The following FANK1 variants were observed in gnomAD, a reference collection of about 807,000 sequenced individuals.
The protein encoded by FANK1 is fibronectin type III and ankyrin repeat domains 1.
FANK1 carries 44 observed loss-of-function variants against 45.3 expected under a neutral mutation model. The observed-to-expected ratio is 0.97, with a 90% CI of 0.76 to 1.25. The LOEUF (loss-of-function observed/expected upper bound fraction) is 1.25, where lower values mean the gene tolerates loss of function less well. FANK1 is among the 50% of genes most tolerant of loss of function. The probability of loss-of-function intolerance (pLI) is 0.00; values close to 1 mark genes in which losing one functional copy is unlikely to be tolerated. For missense variants in FANK1, 391 were observed against 424.4 expected (o/e 0.92, Z 0.69); for synonymous variants, 149 against 152.5 (o/e 0.98, Z 0.17).
At chr10:125,902,792 T>A (rs1439724808) in intron 1 of FANK1, among the ~76,000 whole-genome samples, 1 of 152,304 alleles carries the variant, frequency 6.6e-6, no homozygotes, top group Admixed American at 6.5e-5. Context: ...GGGAGACTGG[T>A]AAGGATTTAA....
chr10:125,993,623 C>A (rs1189504418), intron 3 of FANK1, among the ~76,000 whole-genome samples: 1 of 152,192 alleles, frequency 6.6e-6, no homozygotes, highest in Admixed American at 6.5e-5. Context: ...GTATAAAACC[C>A]TGCCTCCTTT....
At chr10:125,934,724 GTTTTTTTTTTTTTTTTTTTTTTTTT>G (rs145182884) in intron 1 of FANK1, among the ~76,000 whole-genome samples, 2 of 26,418 alleles carry the variant, frequency 7.6e-5, no homozygotes, top group African/African-American at 1.3e-4. Flanking sequence ...TACCCCTACC[GTTTTTTTTTTTTTTTTTTTTTTTTT>G]TTTTTTTTTT....
At chr10:125,951,484 G>C (rs1353858373) in intron 1 of FANK1, among the ~76,000 whole-genome samples, 1 of 152,198 alleles carries the variant, frequency 6.6e-6, no homozygotes. Context: ...AAGGTACTTA[G>C]GGACGGAAGT....
At chr10:125,908,174 T>C (rs762220561) in intron 1 of FANK1, among the ~76,000 whole-genome samples, 1 of 152,076 alleles carries the variant, frequency 6.6e-6, no homozygotes, top group Non-Finnish European at 1.5e-5. Flanking sequence ...TTTTGTATTT[T>C]TAGTAGAGAT....
chr10:125,920,640 C>G (rs533295088), intron 1 of FANK1, among the ~76,000 whole-genome samples: 1 of 152,272 alleles, frequency 6.6e-6, no homozygotes, highest in Admixed American at 6.5e-5. Context: ...AGAGTTTGGG[C>G]TCAGCCGCTG....
At chr10:125,910,882 A>C (rs965970743) in intron 1 of FANK1, among the ~76,000 whole-genome samples, 3 of 152,170 alleles carry the variant, frequency 2.0e-5, no homozygotes, top group Admixed American at 6.5e-5. Context: ...AAAACACAAA[A>C]AATTAGCCGG....
At chr10:125,970,081 C>G (rs1950402506) in intron 1 of FANK1, among the ~76,000 whole-genome samples, 1 of 152,236 alleles carries the variant, frequency 6.6e-6, no homozygotes, top group Non-Finnish European at 1.5e-5. Flanking sequence ...ACATTTCCCC[C>G]TTTTCTATTC....
intron 2 of FANK1, among the ~76,000 whole-genome samples, chr10:125,986,740 C>CTCAT (rs1486051619): frequency 6.6e-6 from 1 of 152,214 alleles, no homozygotes; most frequent in Non-Finnish European, 1.5e-5. Context: ...GTCCTGGCAC[C>CTCAT]TCATTCCCTC....
chr10:125,920,171 AT>A, intron 1 of FANK1, among the ~76,000 whole-genome samples: 1 of 152,304 alleles, frequency 6.6e-6, no homozygotes, highest in Non-Finnish European at 1.5e-5. Flanking sequence ...ATGAAATGTA[AT>A]TTCAGGCTAT....
rs187891476 is a variant in FANK1, at chr10:125,897,892, C to T, written c.13+1237C>T. ...AGCAACTTGGCCTGGCCCGGTGGCTCACGCCTGTAATCCCAGCACTTTGGG... is the reference window on the plus strand; with the variant it reads ...AGCAACTTGGCCTGGCCCGGTGGCTTACGCCTGTAATCCCAGCACTTTGGG... On this transcript the variant is annotated intron_variant, in intron 1 of 10. Transcript: ENST00000368693. 1.4e-3 allele frequency among the ~76,000 whole-genome samples: 215 copies of T among 150,858 alleles called. 3 individuals carry two copies. The highest frequency in any genetic ancestry group is 5.1e-3 in the African/African-American group (209 of 40,978).
rs1171912865 is a variant in FANK1, at chr10:126,008,508, CAATGTG to C, written c.816_821del (p.Asn272_Val273del). On this transcript the variant is annotated inframe_deletion, in exon 8 of 11. Coordinates refer to ENST00000368693, the MANE Select transcript of FANK1 (RefSeq NM_145235.5). ...CCTCTCTTCTAATTGATGCTGGGGC[CAATGTG>C]AATGTGAAGGACAGAAATGGAAAGA... 6.2e-7 allele frequency: 1 copy of C among 1,613,386 alleles called. No individual in the cohort carries two copies. The highest frequency in any genetic ancestry group is 1.1e-5 in the South Asian group (1 of 90,998).
At chr10:125,962,391 C>T (rs139775831) in intron 1 of FANK1, among the ~76,000 whole-genome samples, 23 of 152,240 alleles carry the variant, frequency 1.5e-4, no homozygotes, top group African/African-American at 5.5e-4. Context: ...GAAATTTGGA[C>T]CATTATTTCA....
chr10:125,989,084 G>C (rs1311306890), intron 3 of FANK1, among the ~76,000 whole-genome samples: 1 of 152,142 alleles, frequency 6.6e-6, no homozygotes, highest in Non-Finnish European at 1.5e-5. Context: ...CAGGGTGTGC[G>C]TCTTAACTCG....
intron 1 of FANK1, among the ~76,000 whole-genome samples, chr10:125,909,283 C>T (rs993595774): frequency 9.2e-5 from 14 of 152,138 alleles, no homozygotes; most frequent in East Asian, 5.8e-4. Context: ...GCCTGGATAG[C>T]GGAAGTGAAA....
At chr10:125,897,605 C>T in intron 1 of FANK1, among the ~76,000 whole-genome samples, 2 of 152,298 alleles carry the variant, frequency 1.3e-5, no homozygotes, top group Non-Finnish European at 2.9e-5. Flanking sequence ...CATTCGTTTT[C>T]CACCAAGAAA....
At position 125,909,039 on chromosome 10, in the gene FANK1, G is replaced by A. The variant is rs561509243; in HGVS notation, c.13+12384G>A. The stretch of plus-strand genomic sequence containing the variant: ...AGGCTAGGGCATCCAATTTCAAGAC[G>A]GCTCACTTAACATGGCTAGCAAGTC... On this transcript the variant is annotated intron_variant, in intron 1 of 10. Coordinates refer to ENST00000368693, the MANE Select transcript of FANK1 (RefSeq NM_145235.5). 8.5e-5 allele frequency among the ~76,000 whole-genome samples: 13 copies of A among 152,392 alleles called. No homozygotes were observed. In the East Asian group the frequency reaches 2.3e-3, roughly 27 times the overall value.
intron 1 of FANK1, among the ~76,000 whole-genome samples, chr10:125,952,230 T>C (rs1280895801): frequency 6.6e-6 from 1 of 152,190 alleles, no homozygotes; most frequent in Non-Finnish European, 1.5e-5. Flanking sequence ...TTTATAATTA[T>C]GTACACTATT....
At chr10:125,979,595 G>T (rs528999456) in intron 1 of FANK1, among the ~76,000 whole-genome samples, 1 of 152,296 alleles carries the variant, frequency 6.6e-6, no homozygotes, top group South Asian at 2.1e-4. Flanking sequence ...ACCAATTTCT[G>T]TGAGCACTAG....
chr10:125,929,791 C>T (rs1011916974), intron 1 of FANK1, among the ~76,000 whole-genome samples: 1 of 152,164 alleles, frequency 6.6e-6, no homozygotes, highest in Non-Finnish European at 1.5e-5. Context: ...CAGCTCTGAG[C>T]ATAGGGGCTC....
Sources: allele counts gnomAD v4.1 joint callset (sites outside exome capture counted in the v4.1 genomes callset), GRCh38; gene constraint gnomAD v4.1.1; transcripts MANE v1.5; gene names NCBI Gene and HGNC (gene_info 2026-07-23, HGNC 2026-07-21).